Variants in GAK observed in about 807,000 individuals in gnomAD.
GAK encodes the protein cyclin-G-associated kinase.
A neutral mutation model predicts 143.9 loss-of-function variants in GAK; 79 were observed. The ratio of observed to expected loss-of-function variants is 0.55; its 90% CI spans 0.46 to 0.66. GAK has a LOEUF of 0.66. Ranked by LOEUF, GAK falls within the 30% of genes least tolerant of loss-of-function variation. The pLI is 0.00. For missense variants in GAK, 1,693 were observed against 1,779.7 expected, an observed-to-expected ratio of 0.95 and a Z score of 0.88; for synonymous variants, 881 against 765.5, an observed-to-expected ratio of 1.15 and a Z score of -2.49.
At chr4:890,705 G>A (rs770838053) in intron 9 of GAK, 83 bp from the exon 10 acceptor site, 9 of 1,053,070 alleles carry the variant, frequency 8.5e-6, no homozygotes, top group Non-Finnish European at 1.3e-5. Flanking sequence ...CGGTATGGGT[G>A]CCCTCAGAGC....
chr4:911,947 G>A, intron 3 of GAK, 160 bp from the exon 4 acceptor site: 1 of 572,960 alleles, frequency 1.7e-6, no homozygotes, highest in Non-Finnish European at 3.2e-6. Flanking sequence ...GAGAGCAGTG[G>A]ACGACCGAGA....
Position 920,539 on chromosome 4 carries a change from A to AATTTTTTTTTTTTTTTT in GAK, c.146-6872_146-6871insAAAAAAAAAAAAAAAAT, listed in dbSNP as rs766096942. Reference sequence around the variant, plus strand: ...AAAATTGTGAAAAAGGTTTAGAGCCATTTTTTTTTTTTTTTTTTTTTTGAG... The same window carrying AATTTTTTTTTTTTTTTT: ...AAAATTGTGAAAAAGGTTTAGAGCCAATTTTTTTTTTTTTTTTTTTTTTTTTTTTTTTTTTTTTTGAG... On this transcript the variant is annotated intron_variant, in intron 1 of 27. Coordinates refer to ENST00000314167, the MANE Select transcript of GAK (RefSeq NM_005255.4). 3.9e-5 allele frequency among the ~76,000 whole-genome samples: 5 copies of AATTTTTTTTTTTTTTTT among 129,592 alleles called. 1 individual carries two copies. The South Asian group carries it at 1.2e-3, about 32-fold the overall frequency. The allele number at this position is 129,592 out of a possible 152,430, so 85.0% of individuals were successfully genotyped here.
chr4:911,924 G>A (rs1035822543), intron 3 of GAK, 137 bp from the exon 4 acceptor site: 18 of 643,054 alleles, frequency 2.8e-5, no homozygotes, highest in African/African-American at 2.5e-4. Context: ...ACGTCAGAGC[G>A]GAAGATGAGG....
chr4:903,081 T>C (rs947707830), intron 5 of GAK, among the ~76,000 whole-genome samples: 18 of 150,692 alleles, frequency 1.2e-4, no homozygotes, highest in Admixed American at 3.9e-4. Flanking sequence ...CCACATCACA[T>C]GGAAACCGCG....
At chr4:912,839 C>T in intron 2 of GAK, 45 bp from the exon 3 acceptor site, 1 of 1,546,884 alleles carries the variant, frequency 6.5e-7, no homozygotes, top group Non-Finnish European at 8.9e-7. Context: ...GCAAGTTTAC[C>T]TTCCTACTCC....
At chr4:904,521 C>G (rs1349462120) in intron 5 of GAK, 116 bp downstream of exon 5, 1 of 834,918 alleles carries the variant, frequency 1.2e-6, no homozygotes, top group Non-Finnish European at 1.8e-6. Context: ...GCGGGACCCG[C>G]ACACAGAGGC....
intron 4 of GAK, among the ~76,000 whole-genome samples, chr4:911,305 G>A (rs569570859): frequency 6.6e-6 from 1 of 151,726 alleles, no homozygotes; most frequent in East Asian, 1.9e-4. Context: ...CACCCCACAG[G>A]GACCCCAGAG....
In GAK at chr4:925,426, G is replaced by A. The variant is rs1185196977; in HGVS notation, c.145+6617C>T. Among the ~76,000 whole-genome samples the A allele has an allele frequency of 2.6e-5, 4 of 152,350 alleles. No homozygotes were observed. In the South Asian group the frequency reaches 8.3e-4, roughly 32 times the overall value. On this transcript the variant is annotated intron_variant, in intron 1 of 27. Transcript: ENST00000314167. ...GGACAGAGTGCCGGGGGACAGTGAG[G>A]TCAGTACAGGACCACTACAGGCAGA...
chr4:911,897 A>C, intron 3 of GAK, 110 bp from the exon 4 acceptor site: 1 of 833,772 alleles, frequency 1.2e-6, no homozygotes. Flanking sequence ...ACTTGAATCG[A>C]ACCCTTACAA....
intron 1 of GAK, among the ~76,000 whole-genome samples, chr4:914,445 C>T (rs200515830): frequency 6.5e-5 from 7 of 107,132 alleles, no homozygotes; most frequent in Non-Finnish European, 1.1e-4. Context: ...TGCACGGCCC[C>T]CACACACACA....
At chr4:906,605 C>T (rs533912223) in intron 4 of GAK, among the ~76,000 whole-genome samples, 1 of 152,202 alleles carries the variant, frequency 6.6e-6, no homozygotes, top group Non-Finnish European at 1.5e-5. Context: ...CCCACTTCAG[C>T]TGGCCACAGT....
chr4:914,957 G>A (rs1183018779), intron 1 of GAK, among the ~76,000 whole-genome samples: 3 of 89,076 alleles, frequency 3.4e-5, no homozygotes, highest in Non-Finnish European at 6.3e-5. Flanking sequence ...CAGCGTACAC[G>A]GCCCCACACA....
intron 25 of GAK, chr4:851,331 A>T (rs1748103108): frequency 2.2e-6 from 1 of 448,924 alleles, no homozygotes; most frequent in Non-Finnish European, 4.1e-6. Context: ...CCTGGGCTCC[A>T]GCGATCTGTC....
At chr4:888,779 G>T in intron 11 of GAK, 68 bp downstream of exon 11, 1 of 1,537,166 alleles carries the variant, frequency 6.5e-7, no homozygotes, top group East Asian at 2.4e-5. Context: ...CAGCCAGGAA[G>T]CAAGGGCCGG....
rs749304935 is a variant in GAK at position 868,655 on chromosome 4, G to C, written c.2279C>G (p.Ser760Cys). ...GKPELPRQPG[S>C]TAQYDAGAGS... ...TGCCCCAGCATCATACTGAGCCGTG[G>C]AGCCAGGCTGCCGGGGAAGCTCCGG... Residue 760 changes from serine (S) to cysteine (C), a missense_variant, in exon 20 of 28, where the codon TCC becomes TGC. Physicochemically the swap from Ser to Cys is moderately radical, Grantham distance 112. Around this residue, in one of 2 missense-constraint regions of GAK, gnomAD observed 822 missense variants for 788.7 expected, o/e 1.04. Coordinates refer to ENST00000314167, the MANE Select transcript of GAK (RefSeq NM_005255.4). The C allele has an allele frequency of 3.9e-6, 6 of 1,556,728 alleles. No individual in the cohort carries two copies. Among genetic ancestry groups the C allele is most frequent in the Non-Finnish European group, 5.2e-6 (6 of 1,150,688 alleles).
intron 1 of GAK, among the ~76,000 whole-genome samples, chr4:921,967 C>T (rs1723985016): frequency 6.6e-6 from 1 of 152,156 alleles, no homozygotes; most frequent in Admixed American, 6.5e-5. Flanking sequence ...GGAGGTATCG[C>T]TACACATGTA....
chr4:909,046 C>T (rs1721569601), intron 4 of GAK, among the ~76,000 whole-genome samples: 1 of 152,172 alleles, frequency 6.6e-6, no homozygotes. Flanking sequence ...GGGGTTTAGC[C>T]ATGTTGGCCA....
intron 24 of GAK, among the ~76,000 whole-genome samples, chr4:854,045 G>A (rs374913326): frequency 2.6e-5 from 4 of 151,774 alleles, no homozygotes; most frequent in South Asian, 2.1e-4. Context: ...TGATCCGCCT[G>A]CCTCAGCCTC....
chr4:916,611 C>T (rs1303986717), intron 1 of GAK, among the ~76,000 whole-genome samples: 1 of 152,158 alleles, frequency 6.6e-6, no homozygotes, highest in African/African-American at 2.4e-5. Flanking sequence ...CCCACCACTG[C>T]CCATTAGAGA....
Sources: allele counts gnomAD v4.1 joint callset (sites outside exome capture counted in the v4.1 genomes callset), GRCh38; gene constraint gnomAD v4.1.1; regional missense constraint gnomAD v4.1.1; transcripts MANE v1.5; gene names NCBI Gene and HGNC (gene_info 2026-07-23, HGNC 2026-07-21).